The following ALKBH3 variants were observed in gnomAD, a reference collection of about 807,000 sequenced individuals.
ALKBH3 encodes the protein alpha-ketoglutarate-dependent dioxygenase alkB homolog 3.
In ALKBH3, 51 loss-of-function variants were observed where a neutral mutation model predicts 43.9. The ratio of observed to expected loss-of-function variants is 1.16; its 90% CI spans 0.93 to 1.47. The LOEUF (loss-of-function observed/expected upper bound fraction) is 1.47. ALKBH3 is among the 40% of genes most tolerant of loss of function. The pLI is 0.00. For missense variants in ALKBH3, 361 were observed against 351.9 expected, an observed-to-expected ratio of 1.03 and a Z score of -0.21; for synonymous variants, 102 against 115.2, an observed-to-expected ratio of 0.89 and a Z score of 0.73.
chr11:43,885,517 C>T (rs1350620443), intron 4 of ALKBH3, among the ~76,000 whole-genome samples: 1 of 152,174 alleles, frequency 6.6e-6, no homozygotes, highest in Non-Finnish European at 1.5e-5. Flanking sequence ...GTGAAAACTG[C>T]CCCTTCGTGT....
At chr11:43,905,898 G>A (rs1951892926) in intron 8 of ALKBH3, among the ~76,000 whole-genome samples, 1 of 152,176 alleles carries the variant, frequency 6.6e-6, no homozygotes, top group Non-Finnish European at 1.5e-5. Flanking sequence ...AAAGCCATTT[G>A]GCAGGCTGCT....
chr11:43,905,927 A>T (rs933132950), intron 8 of ALKBH3, among the ~76,000 whole-genome samples: 2 of 152,236 alleles, frequency 1.3e-5, no homozygotes, highest in Non-Finnish European at 2.9e-5. Context: ...GTCGGTTACC[A>T]TGGAAACAGT....
intron 1 of ALKBH3, among the ~76,000 whole-genome samples, chr11:43,882,378 A>G (rs551654235): frequency 7.2e-5 from 11 of 152,352 alleles, no homozygotes; most frequent in Non-Finnish European, 1.5e-4. Context: ...CAAAAGTACT[A>G]TGGTAAGATT....
chr11:43,916,962 A>G (rs1341893173), intron 8 of ALKBH3: 1 of 152,230 alleles, frequency 6.6e-6, no homozygotes, highest in Non-Finnish European at 1.5e-5. Context: ...AAGATCTTAG[A>G]AGGAATAAAT....
rs549135557 is a variant in ALKBH3 at position 43,914,140 on chromosome 11, A to T, written c.670-4898A>T. Among the ~76,000 whole-genome samples, 4 of 152,316 alleles carry T rather than the reference A, an allele frequency of 2.6e-5. No homozygotes were observed. The South Asian group carries it at 6.2e-4, about 24-fold the overall frequency. On this transcript the variant is annotated intron_variant, in intron 8 of 9. Transcript: ENST00000302708. ...CAGGGTGCCATATAATCAGGACAGG[A>T]AATATTAGGATTTCAGAAGGAATAG...
At chr11:43,883,335 T>A in intron 3 of ALKBH3, 147 bp downstream of exon 3, 1 of 627,260 alleles carries the variant, frequency 1.6e-6, no homozygotes, top group Non-Finnish European at 2.7e-6. Context: ...TGAGAAATAT[T>A]TCAGTTCCTT....
At chr11:43,898,940 C>CT in intron 7 of ALKBH3, 1 of 748,020 alleles carries the variant, frequency 1.3e-6, no homozygotes, top group Non-Finnish European at 2.5e-6. Context: ...CCAAATCTCT[C>CT]TACTGGACCA....
intron 6 of ALKBH3, among the ~76,000 whole-genome samples, 191 bp from the exon 7 acceptor site, chr11:43,891,850 A>G (rs539512916): frequency 1.3e-5 from 2 of 152,328 alleles, no homozygotes; most frequent in East Asian, 3.9e-4. Context: ...GTCTGCCAAC[A>G]TAGTGGTTTC....
rs1162113006 is a variant in ALKBH3 at position 43,889,712 on chromosome 11, A to T, written c.267-13A>T. On this transcript the variant is annotated splice_polypyrimidine_tract_variant and intron_variant, in intron 5 of 9. Coordinates refer to ENST00000302708, the MANE Select transcript of ALKBH3 (RefSeq NM_139178.4). ...CCATGTTTTTTGGTTAACAATGTTCATTCTGCACCCAGGGTCTGTTTGTAT... is the reference window on the plus strand; with the variant it reads ...CCATGTTTTTTGGTTAACAATGTTCTTTCTGCACCCAGGGTCTGTTTGTAT... 6.2e-7 allele frequency: 1 copy of T among 1,612,018 alleles called. No individual in the cohort carries two copies. The highest frequency in any genetic ancestry group is 1.3e-5 in the African/African-American group (1 of 74,972).
chr11:43,909,123 T>A (rs1951917834), intron 8 of ALKBH3, among the ~76,000 whole-genome samples: 1 of 152,192 alleles, frequency 6.6e-6, no homozygotes, highest in Admixed American at 6.5e-5. Flanking sequence ...TTCGAACCAA[T>A]AACCTCAGTG....
chr11:43,890,360 C>T (rs764967332), intron 6 of ALKBH3, among the ~76,000 whole-genome samples: 7 of 152,154 alleles, frequency 4.6e-5, no homozygotes, highest in Non-Finnish European at 1.0e-4. Flanking sequence ...GAACCTGAAT[C>T]TCTGCGGGCA....
At chr11:43,901,479 C>G in intron 7 of ALKBH3, 37 bp from the exon 8 acceptor site, 1 of 1,606,662 alleles carries the variant, frequency 6.2e-7, no homozygotes, top group Non-Finnish European at 8.5e-7. Context: ...GTGTGTAATG[C>G]GACTGTCTTG....
chr11:43,898,775 G>C, intron 7 of ALKBH3: 1 of 752,192 alleles, frequency 1.3e-6, no homozygotes. Context: ...ACGCTGGTTA[G>C]TCCATTTATT....
At position 43,883,103 on chromosome 11, in the gene ALKBH3, A is replaced by T; in HGVS notation, c.98A>T (p.His33Leu). 1 of 1,614,114 alleles carries T rather than the reference A, an allele frequency of 6.2e-7. No homozygotes were observed. Among genetic ancestry groups the T allele is most frequent in the Non-Finnish European group, 8.5e-7 (1 of 1,180,012 alleles). ...GCTTCAGCTACCACTGCTAAGAGCC[A>T]TCTCCACCAGAAGCCTGGCCAGACC... is the stretch of plus-strand genomic sequence containing the variant. ...IAQPATTAKS[H>L]LHQKPGQTWK... Residue 33 changes from histidine to leucine, a missense_variant, in exon 3 of 10, where the codon CAT becomes CTT. By Grantham distance (99) the His-to-Leu change is moderately conservative. Coordinates refer to ENST00000302708, the MANE Select transcript of ALKBH3 (RefSeq NM_139178.4).
intron 8 of ALKBH3, among the ~76,000 whole-genome samples, chr11:43,905,088 C>T (rs1951886979): frequency 2.0e-5 from 3 of 152,348 alleles, no homozygotes; most frequent in Middle Eastern, 3.4e-3. Context: ...AGATTTCCTG[C>T]ACTTTGTTCA....
chr11:43,904,084 G>C (rs939670545), intron 8 of ALKBH3, among the ~76,000 whole-genome samples: 5 of 152,216 alleles, frequency 3.3e-5, no homozygotes, highest in East Asian at 1.9e-4. Context: ...GCCCCATGCT[G>C]TAGCTTTCTC....
intron 8 of ALKBH3, among the ~76,000 whole-genome samples, chr11:43,905,573 C>T (rs977294312): frequency 6.6e-6 from 1 of 151,936 alleles, no homozygotes; most frequent in Non-Finnish European, 1.5e-5. Context: ...CTTGTTTAAG[C>T]TTGCTTTTAC....
At chr11:43,901,369 C>G (rs1352434476) in intron 7 of ALKBH3, 147 bp from the exon 8 acceptor site, 4 of 784,416 alleles carry the variant, frequency 5.1e-6, no homozygotes, top group East Asian at 5.4e-5. Flanking sequence ...TTCTTGCCTT[C>G]TGTTTATTGC....
chr11:43,913,797 A>G (rs1039256795), intron 8 of ALKBH3, among the ~76,000 whole-genome samples: 64 of 152,256 alleles, frequency 4.2e-4, no homozygotes, highest in Admixed American at 4.2e-3. Context: ...TCAGCAGCAT[A>G]GCTGGGCAAC....
Sources: allele counts gnomAD v4.1 joint callset (sites outside exome capture counted in the v4.1 genomes callset), GRCh38; gene constraint gnomAD v4.1.1; transcripts MANE v1.5; gene names NCBI Gene and HGNC (gene_info 2026-07-23, HGNC 2026-07-21).